EPHB4: variants seen among roughly 807,000 people sequenced by gnomAD.
EPHB4 encodes ephrin type-B receptor 4.
A neutral mutation model predicts 110.6 loss-of-function variants in EPHB4; 50 were observed. The ratio of observed to expected loss-of-function variants is 0.45; its 90% CI spans 0.36 to 0.57. The LOEUF is 0.57. Ranked by LOEUF, EPHB4 falls within the 20% of genes least tolerant of loss-of-function variation. EPHB4 has a pLI of 0.00. For synonymous variants in EPHB4, 592 were observed against 578.4 expected (o/e 1.02, Z -0.34); for missense variants, 1,128 against 1,382.1 (o/e 0.82, Z 2.91).
rs1313138296 is a variant in EPHB4, at chr7:100,803,085, CT to C, written c.*375del. The C allele has an allele frequency of 6.1e-6, 1 of 164,762 alleles. No homozygotes were observed. The highest frequency in any genetic ancestry group is 6.4e-5 in the Admixed American group (1 of 15,594). The allele number at this position is 164,762 out of a possible 1,614,324, so 10.2% of individuals were successfully genotyped here. The stretch of plus-strand genomic sequence containing the variant: ...GGGCCCTGACACCCCTTCTTGCCCC[CT>C]GGGACAGCCCCCCCACTCTGGAGCT... On this transcript the variant is annotated 3_prime_UTR_variant, in exon 17 of 17. Transcript: ENST00000358173.
intron 16 of EPHB4, 143 bp downstream of exon 16, chr7:100,805,023 G>GC (rs1274377636): frequency 1.8e-6 from 2 of 1,142,488 alleles, no homozygotes; most frequent in African/African-American, 3.1e-5. Flanking sequence ...CTCCTCTGGG[G>GC]CCCTTCTAGG....
At chr7:100,811,807 C>A (rs1246167364) in intron 12 of EPHB4, among the ~76,000 whole-genome samples, 3 of 150,986 alleles carry the variant, frequency 2.0e-5, no homozygotes, top group Non-Finnish European at 4.4e-5. Flanking sequence ...GAGGTCAAGG[C>A]TACAGTGAGC....
chr7:100,809,078 G>T (rs978578897), intron 12 of EPHB4, among the ~76,000 whole-genome samples: 3 of 152,106 alleles, frequency 2.0e-5, no homozygotes, highest in African/African-American at 7.2e-5. Flanking sequence ...TCCTGCTCTT[G>T]CTCCCTAGCA....
At position 100,823,870 on chromosome 7, in the gene EPHB4, T is replaced by A; in HGVS notation, c.185A>T (p.Asp62Val). The change falls in exon 3 of 17, where the codon GAC (aspartate) becomes GTC (valine). Residue 62 changes from aspartate to valine, a missense_variant. Asp to Val is a radical substitution (Grantham distance 152, BLOSUM62 -3). Around this residue, in one of 3 missense-constraint regions of EPHB4, gnomAD observed 728 missense variants for 828.6 expected, o/e 0.88. Coordinates refer to ENST00000358173, the MANE Select transcript of EPHB4 (RefSeq NM_004444.5). ...QHSVRTYEVC[D>V]VQRAPGQAHW... Reference sequence around the variant, plus strand: ...GGCCTGGCCCGGGGCACGCTGCACGTCACACACTTCGTAGGTGCGCACGCT... The same window carrying A: ...GGCCTGGCCCGGGGCACGCTGCACGACACACACTTCGTAGGTGCGCACGCT... 1 of 1,611,916 alleles carries A rather than the reference T, an allele frequency of 6.2e-7. No homozygotes were observed. Among genetic ancestry groups the A allele is most frequent in the Non-Finnish European group, 8.5e-7 (1 of 1,179,356 alleles).
At chr7:100,813,051 C>T (rs1259332064) in intron 11 of EPHB4, 44 bp downstream of exon 11, 2 of 1,612,376 alleles carry the variant, frequency 1.2e-6, no homozygotes. Flanking sequence ...GCCCTGCCCA[C>T]CCCCGCTTCG....
At chr7:100,826,822 G>GCCCCCCCC in intron 1 of EPHB4, 157 bp downstream of exon 1, 1 of 700,096 alleles carries the variant, frequency 1.4e-6, no homozygotes, top group Admixed American at 3.8e-5. Context: ...CCTCTTCCCC[G>GCCCCCCCC]CCCCCCTCCC....
chr7:100,818,507 G>C lies in EPHB4; in HGVS notation c.1422+13C>G, dbSNP rs1415033109. 6.2e-7 allele frequency: 1 copy of C among 1,613,546 alleles called. No individual in the cohort carries two copies. The highest frequency in any genetic ancestry group is 1.7e-5 in the Admixed American group (1 of 59,968). On this transcript the variant is annotated intron_variant, in intron 7 of 16. Coordinates refer to ENST00000358173, the MANE Select transcript of EPHB4 (RefSeq NM_004444.5). ...CATTGCCCACCCACCCCAGGGCTGG[G>C]GGATGGCCTTACCTTCTCATGGTAT... is the stretch of plus-strand genomic sequence containing the variant.
rs937269398 is a variant in EPHB4, at chr7:100,803,440, G to A, written c.*21C>T. The A allele has an allele frequency of 6.5e-6, 10 of 1,532,506 alleles. No homozygotes were observed. The highest frequency in any genetic ancestry group is 8.9e-6 in the Non-Finnish European group (10 of 1,129,194). 94.9% of individuals were successfully genotyped at this position (1,532,506 alleles called of 1,614,324 possible). A position where few individuals can be genotyped will look rare whatever the true frequency, so the allele number is the denominator to read the frequency against. On this transcript the variant is annotated 3_prime_UTR_variant, in exon 17 of 17. Coordinates refer to ENST00000358173, the MANE Select transcript of EPHB4 (RefSeq NM_004444.5). ...CGGAAAATGGGGAGGCGGTGTCCCT[G>A]GGGTGGGGAGTTCCTGCAGGTCAGT...
chr7:100,807,846 C>CT (rs1812850374), intron 12 of EPHB4, among the ~76,000 whole-genome samples: 2 of 152,134 alleles, frequency 1.3e-5, no homozygotes, highest in South Asian at 4.1e-4. Context: ...CCAGGCTGGT[C>CT]TTTAACTCCT....
rs1029838892 is a variant in EPHB4, at chr7:100,826,963, C to A, written c.52+16G>T. ...CAGGAGTGACGGGGTGCGCCCCCCCCCGCAAGGAAACTCACCTTCCAAAGC... is the reference window on the plus strand; with the variant it reads ...CAGGAGTGACGGGGTGCGCCCCCCCACGCAAGGAAACTCACCTTCCAAAGC... On this transcript the variant is annotated intron_variant, in intron 1 of 16. Coordinates refer to ENST00000358173, the MANE Select transcript of EPHB4 (RefSeq NM_004444.5). 212 of 1,518,050 alleles carry A rather than the reference C, an allele frequency of 1.4e-4. 1 individual carries two copies. Among genetic ancestry groups the A allele is most frequent in the Middle Eastern group, 8.7e-4 (5 of 5,744 alleles). 94.0% of individuals were successfully genotyped at this position (1,518,050 alleles called of 1,614,324 possible).
rs1264089421 is a variant in EPHB4 at position 100,823,767 on chromosome 7, C to T, written c.288G>A (p.Glu96=). ...VYATLRFTML[E]CLSLPRAGRS... is the part of the protein sequence containing the mutation. ...GCCCAGCCCGAGGCAGGGACAGGCA[C>T]TCGAGCATGGTGAAGCGCAGCGTGG... Residue 96 remains glutamate, a synonymous_variant, in exon 3 of 17, where the codon GAG becomes GAA. Transcript: ENST00000358173. The T allele has an allele frequency of 1.9e-6, 3 of 1,613,486 alleles. No individual in the cohort carries two copies. Among genetic ancestry groups the T allele is most frequent in the Admixed American group, 3.3e-5 (2 of 60,010 alleles).
chr7:100,809,849 C>G (rs1319990229), intron 12 of EPHB4, among the ~76,000 whole-genome samples: 1 of 152,210 alleles, frequency 6.6e-6, no homozygotes, highest in Non-Finnish European at 1.5e-5. Flanking sequence ...CACGGTGGCT[C>G]ACGCGTTTAA....
At position 100,819,819 on chromosome 7, in the gene EPHB4, G is replaced by A. The variant is rs1236854951; in HGVS notation, c.1035C>T (p.Ala345=). Residue 345 remains alanine, a synonymous_variant, in exon 6 of 17, where the codon GCC becomes GCT. Coordinates refer to ENST00000358173, the MANE Select transcript of EPHB4 (RefSeq NM_004444.5). ...NGSSLHLEWS[A]PLESGGREDL... The stretch of plus-strand genomic sequence containing the variant: ...CCTCTCGGCCACCAGACTCCAGGGG[G>A]GCACTCCATTCCAGGTGCAGGGAGG... 3 of 1,560,084 alleles carry A rather than the reference G, an allele frequency of 1.9e-6. No individual in the cohort carries two copies. Among genetic ancestry groups the A allele is most frequent in the Non-Finnish European group, 2.6e-6 (3 of 1,152,438 alleles).
At position 100,819,562 on chromosome 7, in the gene EPHB4, C is replaced by T. The variant is rs74779801; in HGVS notation, c.1292G>A (p.Arg431Gln). 4.5e-6 allele frequency: 7 copies of T among 1,556,264 alleles called. No homozygotes were observed. The highest frequency in any genetic ancestry group is 1.4e-5 in the African/African-American group (1 of 73,720). Residue 431 changes from arginine (R) to glutamine (Q), a missense_variant, in exon 6 of 17, where the codon CGA (arginine) becomes CAA (glutamine). Physicochemically the swap from Arg to Gln is conservative, Grantham distance 43. Transcript: ENST00000358173. ...CCCCAGCCCCCAAGTCTCACCCTCT[C>T]GGTCAGTGGTGACATTGACAGGCTC... is the stretch of plus-strand genomic sequence containing the variant. ...PFEPVNVTTD[R>Q]EVPPAVSDIR...
At chr7:100,810,943 T>C (rs899932025) in intron 12 of EPHB4, among the ~76,000 whole-genome samples, 3 of 151,926 alleles carry the variant, frequency 2.0e-5, no homozygotes, top group South Asian at 2.1e-4. Flanking sequence ...AGAAAAATGT[T>C]TTGATTTTTT....
Position 100,819,527 on chromosome 7 carries a change from C to G in EPHB4, c.1297+30G>C, listed in dbSNP as rs563654365. 81 of 1,532,818 alleles carry G rather than the reference C, an allele frequency of 5.3e-5. No homozygotes were observed. In the African/African-American group the frequency reaches 1.0e-3, roughly 19 times the overall value. 95.0% of individuals were successfully genotyped at this position (1,532,818 alleles called of 1,614,324 possible). ...CCTCAGTGACATCTCTCCCGCCAGA[C>G]CACCAGCCGCCCCAGCCCCCAAGTC... is the stretch of plus-strand genomic sequence containing the variant. On this transcript the variant is annotated intron_variant, in intron 6 of 16. Transcript: ENST00000358173.
chr7:100,820,170 C>T lies in EPHB4; in HGVS notation c.935G>A (p.Arg312His), dbSNP rs765819602. 2.0e-5 allele frequency: 32 copies of T among 1,613,968 alleles called. No homozygotes were observed. In the Admixed American group the frequency reaches 4.3e-4, roughly 22 times the overall value. ...GCAGGGTGCACCCCGGGGGTCTGTG[C>T]GTGCCCGGAAGTACCCGACGCGGCA... ...CQCRVGYFRA[R>H]TDPRGAPCTT... The change falls in exon 5 of 17, where the codon CGC becomes CAC. Residue 312 changes from arginine to histidine, a missense_variant. This residue lies in a region of EPHB4 where 728 missense variants were observed against 828.6 expected (regional missense o/e 0.88). Transcript: ENST00000358173.
Position 100,807,463 on chromosome 7 carries a change from T to C in EPHB4, c.2236A>G (p.Ile746Val). Residue 746 changes from isoleucine to valine, a missense_variant, in exon 13 of 17, where the codon ATC becomes GTC. Physicochemically the swap from Ile to Val is conservative, Grantham distance 29. Coordinates refer to ENST00000358173, the MANE Select transcript of EPHB4 (RefSeq NM_004444.5). ...CAGACGAGGTTGCTGTTGACTAGGA[T>C]GTTGCGAGCAGCCAGGTCTCGGTGG... The part of the protein sequence containing the change: ...YVHRDLAARN[I>V]LVNSNLVCKV... 2 of 1,613,422 alleles carry C rather than the reference T, an allele frequency of 1.2e-6. No individual in the cohort carries two copies. Among genetic ancestry groups the C allele is most frequent in the Non-Finnish European group, 1.7e-6 (2 of 1,179,928 alleles).
chr7:100,823,765 C>A lies in EPHB4; in HGVS notation c.290G>T (p.Cys97Phe). ...GCGCCCAGCCCGAGGCAGGGACAGG[C>A]ACTCGAGCATGGTGAAGCGCAGCGT... Reference protein sequence around the residue: ...YATLRFTMLECLSLPRAGRSC... With the variant: ...YATLRFTMLEFLSLPRAGRSC... Residue 97 changes from cysteine (C) to phenylalanine (F), a missense_variant, in exon 3 of 17, where the codon TGC (cysteine) becomes TTC (phenylalanine). Around this residue, in one of 3 missense-constraint regions of EPHB4, gnomAD observed 728 missense variants for 828.6 expected, o/e 0.88. Coordinates refer to ENST00000358173, the MANE Select transcript of EPHB4 (RefSeq NM_004444.5). The A allele has an allele frequency of 1.2e-6, 2 of 1,613,600 alleles. No homozygotes were observed. Among genetic ancestry groups the A allele is most frequent in the Non-Finnish European group, 1.7e-6 (2 of 1,179,964 alleles).
Sources: allele counts gnomAD v4.1 joint callset (sites outside exome capture counted in the v4.1 genomes callset), GRCh38; gene constraint gnomAD v4.1.1; regional missense constraint gnomAD v4.1.1; transcripts MANE v1.5; gene names NCBI Gene and HGNC (gene_info 2026-07-23, HGNC 2026-07-21).